MAF: variants seen among roughly 807,000 people sequenced by gnomAD.
MAF encodes the protein transcription factor Maf.
Under a neutral mutation model 22.0 loss-of-function variants are expected in MAF, and 10 were observed. The ratio of observed to expected loss-of-function variants is 0.45; its 90% confidence interval spans 0.28 to 0.77. MAF has a LOEUF of 0.77. MAF is among the 30% of genes least tolerant of loss of function. The pLI, the probability that MAF is intolerant of heterozygous loss-of-function variation, is 0.12. For missense variants in MAF, 544 were observed against 548.4 expected, an observed-to-expected ratio of 0.99 and a Z score of 0.08; for synonymous variants, 337 against 255.8, an observed-to-expected ratio of 1.32 and a Z score of -3.03.
the MAF span, among the ~76,000 whole-genome samples, chr16:79,502,649 G>T: frequency 6.8e-6 from 1 of 146,248 alleles, no homozygotes. Context: ...CTAGGTAACA[G>T]AGTTAGACCT....
chr16:79,500,256 G>C, the MAF span, among the ~76,000 whole-genome samples: 73 of 152,314 alleles, frequency 4.8e-4, no homozygotes, highest in Admixed American at 8.5e-4. Context: ...CACACACACA[G>C]AGAGAGAGGG....
chr16:79,559,798 A>C, the MAF span, among the ~76,000 whole-genome samples: 2 of 152,186 alleles, frequency 1.3e-5, no homozygotes, highest in African/African-American at 2.4e-5. Context: ...TTGTTTAGCT[A>C]TCTGGTTGGC....
the MAF span, among the ~76,000 whole-genome samples, chr16:79,482,901 C>A: frequency 2.2e-5 from 2 of 92,488 alleles, no homozygotes; most frequent in African/African-American, 8.6e-5. Context: ...TCCTTCCCTC[C>A]CTACCTCCTT....
At chr16:79,529,952 A>G in the MAF span, among the ~76,000 whole-genome samples, 11 of 113,666 alleles carry the variant, frequency 9.7e-5, no homozygotes, top group African/African-American at 3.1e-4. Context: ...CAAGAGTGAA[A>G]CTCCATCTCA....
the MAF span, among the ~76,000 whole-genome samples, chr16:79,364,197 A>G: frequency 3.3e-5 from 5 of 152,208 alleles, no homozygotes; most frequent in Admixed American, 3.3e-4. Flanking sequence ...TGTTAAGCAT[A>G]GTAATCACTG....
chr16:79,253,305 CTG>C, the MAF span, among the ~76,000 whole-genome samples: 1 of 152,298 alleles, frequency 6.6e-6, no homozygotes, highest in Non-Finnish European at 1.5e-5. Flanking sequence ...CCATCATTGC[CTG>C]TTATTGGCTG....
the MAF span, among the ~76,000 whole-genome samples, chr16:79,310,926 G>A: frequency 6.6e-6 from 1 of 152,196 alleles, no homozygotes; most frequent in Non-Finnish European, 1.5e-5. Context: ...GGTGCTGAGC[G>A]TGAGGGCTGT....
the MAF span, among the ~76,000 whole-genome samples, chr16:79,564,737 C>T: frequency 6.6e-6 from 1 of 152,298 alleles, no homozygotes; most frequent in East Asian, 1.9e-4. Context: ...ATCCCCAGCC[C>T]TGTGGAGCAT....
the MAF span, among the ~76,000 whole-genome samples, chr16:79,524,895 A>G: frequency 1.3e-5 from 2 of 152,292 alleles, no homozygotes; most frequent in African/African-American, 2.4e-5. Context: ...ATAGGAGACA[A>G]TGTGGCCAAC....
rs1913365622 is a variant in MAF, at chr16:79,594,262, T to G, written c.*198A>C. ...CACACCATAAATCGAAAAGCAGGAG[T>G]GCGCTTTCCTACCGGTCTCTATGAA... On this transcript the variant is annotated 3_prime_UTR_variant, in exon 2 of 2. Transcript: ENST00000326043. 1 of 582,412 alleles carries G rather than the reference T, an allele frequency of 1.7e-6. No homozygotes were observed. Among genetic ancestry groups the G allele is most frequent in the South Asian group, 2.1e-5 (1 of 48,320 alleles). 36.1% of individuals were successfully genotyped at this position (582,412 alleles called of 1,614,324 possible).
At chr16:79,537,353 T>G in the MAF span, among the ~76,000 whole-genome samples, 3 of 152,334 alleles carry the variant, frequency 2.0e-5, no homozygotes, top group South Asian at 6.2e-4. Flanking sequence ...GTACTTGCAG[T>G]ACCAGGTATT....
At chr16:79,584,882 C>T (rs543360912), downstream of MAF, among the ~76,000 whole-genome samples, 3 of 152,270 alleles carry the variant, frequency 2.0e-5, no homozygotes, top group Admixed American at 1.3e-4. Flanking sequence ...TAATCAGATA[C>T]TATTTTTAAA....
the MAF span, among the ~76,000 whole-genome samples, chr16:79,420,176 G>A: frequency 6.6e-6 from 1 of 152,022 alleles, no homozygotes; most frequent in East Asian, 1.9e-4. Context: ...AGAGGCACTT[G>A]GAAAAAAGAA....
At chr16:79,582,525 C>G (rs978076862), downstream of MAF, among the ~76,000 whole-genome samples, 1 of 152,168 alleles carries the variant, frequency 6.6e-6, no homozygotes, top group African/African-American at 2.4e-5. Context: ...TGCACATGCT[C>G]TGCTATAATT....
chr16:79,401,569 C>A, the MAF span, among the ~76,000 whole-genome samples: 2 of 152,010 alleles, frequency 1.3e-5, no homozygotes, highest in African/African-American at 4.8e-5. Context: ...CAGTCTGGGA[C>A]ATTAAATTAA....
the MAF span, among the ~76,000 whole-genome samples, chr16:79,580,577 G>C: frequency 2.6e-5 from 4 of 152,142 alleles, no homozygotes; most frequent in Non-Finnish European, 1.5e-5. Flanking sequence ...GGTCTGATGA[G>C]TCTCCAGACG....
At chr16:79,287,898 T>C in the MAF span, among the ~76,000 whole-genome samples, 3 of 152,204 alleles carry the variant, frequency 2.0e-5, no homozygotes, top group Admixed American at 6.5e-5. Flanking sequence ...CACATTTTAA[T>C]TTTAATAAAG....
the MAF span, among the ~76,000 whole-genome samples, chr16:79,481,415 G>T: frequency 2.6e-5 from 4 of 151,928 alleles, no homozygotes; most frequent in Non-Finnish European, 5.9e-5. Context: ...CATGAATAGT[G>T]ATTTCTCTGC....
chr16:79,503,252 G>A, the MAF span, among the ~76,000 whole-genome samples: 2 of 152,028 alleles, frequency 1.3e-5, no homozygotes, highest in Admixed American at 6.6e-5. Flanking sequence ...CACTCAACAC[G>A]TTTTTATTGA....
Sources: gnomAD v4.1 joint callset for allele counts (sites outside exome capture counted in the v4.1 genomes callset) on GRCh38, gnomAD v4.1.1 for gene constraint, MANE v1.5 for transcripts, NCBI Gene and HGNC (gene_info 2026-07-23, HGNC 2026-07-21) for gene names.